The following HDAC9 variants were observed in gnomAD, a reference collection of about 807,000 sequenced individuals.
HDAC9 encodes the protein MEF-2 interacting transcription repressor (MITR) protein.
Under a neutral mutation model 139.4 loss-of-function variants are expected in HDAC9, and 41 were observed. The observed-to-expected ratio is 0.29, with a 90% CI of 0.23 to 0.38. The LOEUF (loss-of-function observed/expected upper bound fraction) is 0.38, where lower values mean the gene tolerates loss of function less well. Among genes scored for constraint, HDAC9 ranks in the 10% least tolerant of loss-of-function variants. The pLI, the probability that HDAC9 is intolerant of heterozygous loss-of-function variation, is 1.00. For missense variants in HDAC9, 1,147 were observed against 1,297.0 expected (o/e 0.88, Z 1.78); for synonymous variants, 517 against 476.2 (o/e 1.09, Z -1.12).
At chr7:18,761,181 G>T (rs1301796815) in intron 14 of HDAC9, among the ~76,000 whole-genome samples, 1 of 152,186 alleles carries the variant, frequency 6.6e-6, no homozygotes, top group Non-Finnish European at 1.5e-5. Context: ...TCGTGCACCA[G>T]CACAATATTT....
chr7:18,756,096 A>T (rs1193389767), intron 14 of HDAC9, among the ~76,000 whole-genome samples: 1 of 152,102 alleles, frequency 6.6e-6, no homozygotes, highest in African/African-American at 2.4e-5. Context: ...TTGCACCCAG[A>T]CAAAGGTAAT....
At chr7:18,260,877 TCTTA>T (rs1795623598) in intron 2 of HDAC9, among the ~76,000 whole-genome samples, 1 of 152,164 alleles carries the variant, frequency 6.6e-6, no homozygotes, top group Non-Finnish European at 1.5e-5. Context: ...ATGGTCAAGC[TCTTA>T]CTTTAGAAGT....
chr7:18,480,039 CCTTT>C (rs1795428302), intron 1 of HDAC9, among the ~76,000 whole-genome samples: 2 of 138,028 alleles, frequency 1.4e-5, no homozygotes, highest in Admixed American at 7.2e-5. Flanking sequence ...ACCTTTTCCT[CCTTT>C]CTATTTTTTT....
intron 25 of HDAC9, among the ~76,000 whole-genome samples, chr7:18,988,365 G>A (rs1304845359): frequency 6.6e-6 from 1 of 151,970 alleles, no homozygotes; most frequent in Non-Finnish European, 1.5e-5. Context: ...CCATGTAGTT[G>A]AGCGGTTTTG....
intron 1 of HDAC9, among the ~76,000 whole-genome samples, chr7:18,455,054 T>G (rs1793218769): frequency 6.6e-6 from 1 of 152,094 alleles, no homozygotes; most frequent in East Asian, 1.9e-4. Flanking sequence ...TTTTCTTTCT[T>G]TTTTCTTTTT....
chr7:18,553,019 T>C (rs1179831154), intron 2 of HDAC9, among the ~76,000 whole-genome samples: 1 of 152,220 alleles, frequency 6.6e-6, no homozygotes, highest in African/African-American at 2.4e-5. Context: ...TTAAAAAAAT[T>C]ATCTTCTACT....
intron 22 of HDAC9, among the ~76,000 whole-genome samples, chr7:18,879,609 A>G (rs1799574350): frequency 6.6e-6 from 1 of 152,188 alleles, no homozygotes; most frequent in African/African-American, 2.4e-5. Flanking sequence ...CGCTAGCCAC[A>G]TGCAGAAGAC....
rs551961411 is a variant in HDAC9, at chr7:18,500,018, C to G, written c.22+3694C>G. ...CCCATAATTACTGTTTTGCCATTCT[C>G]TAACTCAGGTTATCTTCACTTGCAA... On this transcript the variant is annotated intron_variant, in intron 2 of 25. Coordinates refer to ENST00000686413, the MANE Select transcript of HDAC9 (RefSeq NM_178425.4). Among the ~76,000 whole-genome samples, 18 of 152,176 alleles carry G rather than the reference C, an allele frequency of 1.2e-4. No homozygotes were observed. In the East Asian group the frequency reaches 3.1e-3, roughly 26 times the overall value.
At chr7:18,697,564 TG>T (rs1367684443) in intron 12 of HDAC9, among the ~76,000 whole-genome samples, 2 of 152,200 alleles carry the variant, frequency 1.3e-5, no homozygotes, top group African/African-American at 4.8e-5. Flanking sequence ...TGAAGCTTTT[TG>T]TCCCACTCCC....
chr7:18,747,429 T>G (rs1329661913), intron 13 of HDAC9, among the ~76,000 whole-genome samples: 3 of 152,218 alleles, frequency 2.0e-5, no homozygotes, highest in Non-Finnish European at 4.4e-5. Flanking sequence ...CAGACACTGC[T>G]TTGGTTCTTT....
At chr7:18,132,995 C>T (rs918026137) in intron 1 of HDAC9, among the ~76,000 whole-genome samples, 2 of 152,124 alleles carry the variant, frequency 1.3e-5, no homozygotes, top group African/African-American at 2.4e-5. Flanking sequence ...TGGGCCCTGT[C>T]CTAACTGAGT....
At chr7:18,114,714 G>A (rs982580482) in intron 1 of HDAC9, among the ~76,000 whole-genome samples, 10 of 152,226 alleles carry the variant, frequency 6.6e-5, no homozygotes, top group Non-Finnish European at 1.0e-4. Flanking sequence ...AAGCATGGCT[G>A]CTGGGAAGGC....
At chr7:18,508,519 T>A (rs1346074673) in intron 2 of HDAC9, among the ~76,000 whole-genome samples, 2 of 152,160 alleles carry the variant, frequency 1.3e-5, no homozygotes, top group African/African-American at 2.4e-5. Context: ...TGCCTCTCTC[T>A]TGTATTCATA....
chr7:18,575,352 A>C (rs951943976), intron 2 of HDAC9, among the ~76,000 whole-genome samples: 1 of 152,376 alleles, frequency 6.6e-6, no homozygotes, highest in Non-Finnish European at 1.5e-5. Flanking sequence ...TTTGAAAAAA[A>C]ATCTTAGCTT....
At chr7:18,361,719 A>T (rs1243921955) in intron 1 of HDAC9, among the ~76,000 whole-genome samples, 3 of 152,092 alleles carry the variant, frequency 2.0e-5, no homozygotes, top group Non-Finnish European at 4.4e-5. Context: ...CTTAACTTTA[A>T]TTCATAGAGC....
At chr7:18,514,767 C>T (rs910191937) in intron 2 of HDAC9, among the ~76,000 whole-genome samples, 4 of 152,004 alleles carry the variant, frequency 2.6e-5, no homozygotes, top group Admixed American at 6.6e-5. Context: ...TAGTGAGACC[C>T]TGTCTCTACA....
At chr7:18,207,327 A>C (rs1220020047) in intron 2 of HDAC9, among the ~76,000 whole-genome samples, 6 of 152,080 alleles carry the variant, frequency 3.9e-5, no homozygotes, top group Admixed American at 3.9e-4. Context: ...GAAAAGTATA[A>C]ATAAGAAGAA....
chr7:18,972,101 C>G (rs1784275564), intron 24 of HDAC9, among the ~76,000 whole-genome samples: 1 of 152,140 alleles, frequency 6.6e-6, no homozygotes, highest in Non-Finnish European at 1.5e-5. Context: ...CTGACCTCTT[C>G]AAGAGTTCAT....
At chr7:18,861,551 A>T (rs564709217) in intron 21 of HDAC9, among the ~76,000 whole-genome samples, 2 of 152,120 alleles carry the variant, frequency 1.3e-5, no homozygotes, top group African/African-American at 4.8e-5. Context: ...CACTAATACT[A>T]TTCTCACAGA....
Sources: gnomAD v4.1 joint callset for allele counts (sites outside exome capture counted in the v4.1 genomes callset) on GRCh38, gnomAD v4.1.1 for gene constraint, MANE v1.5 for transcripts, NCBI Gene and HGNC (gene_info 2026-07-23, HGNC 2026-07-21) for gene names.